PML: variants seen among roughly 807,000 people sequenced by gnomAD.
PML encodes PML nuclear body scaffold.
PML carries 28 observed loss-of-function variants against 65.2 expected under a neutral mutation model. The ratio of observed to expected loss-of-function variants is 0.43; its 90% confidence interval spans 0.32 to 0.59. The LOEUF is 0.59. Ranked by LOEUF, PML falls within the 20% of genes least tolerant of loss-of-function variation. PML has a pLI of 0.08. For missense variants in PML, 1,021 were observed against 1,203.4 expected, an observed-to-expected ratio of 0.85 and a Z score of 2.24; for synonymous variants, 500 against 508.8, an observed-to-expected ratio of 0.98 and a Z score of 0.23.
chr15:74,044,564 G>A lies in PML; in HGVS notation c.2205G>A (p.Ala735=), dbSNP rs772777029. The A allele has an allele frequency of 3.0e-5, 49 of 1,612,298 alleles. No homozygotes were observed. The highest frequency in any genetic ancestry group is 5.0e-5 in the Admixed American group (3 of 60,004). The change falls in exon 9 of 9, where the codon GCG becomes GCA. Residue 735 remains alanine (A), a synonymous_variant. Transcript: ENST00000268058. ...AGAACCTGGCCCAGACCTACCTGGCGAGAAACATGAGCGAGCGCAGCGCCA... is the reference window on the plus strand; with the variant it reads ...AGAACCTGGCCCAGACCTACCTGGCAAGAAACATGAGCGAGCGCAGCGCCA... The part of the protein sequence containing the change: ...KLKNLAQTYL[A]RNMSERSAMA...
chr15:74,023,373 T>G lies in PML; in HGVS notation c.1148T>G (p.Leu383Arg), dbSNP rs1329692309. Residue 383 changes from leucine to arginine, a missense_variant, in exon 3 of 9, where the codon CTG (leucine) becomes CGG (arginine). Leu to Arg is a moderately radical substitution (Grantham distance 102, BLOSUM62 -2). Coordinates refer to ENST00000268058, the MANE Select transcript of PML (RefSeq NM_033238.3). ...TDGFDEFKVR[L>R]QDLSSCITQG... ...GGCTTCGACGAGTTCAAGGTGCGCC[T>G]GCAGGACCTCAGCTCTTGCATCACC... The G allele has an allele frequency of 6.2e-7, 1 of 1,600,136 alleles. No homozygotes were observed. The highest frequency in any genetic ancestry group is 8.5e-7 in the Non-Finnish European group (1 of 1,179,830).
intron 2 of PML, among the ~76,000 whole-genome samples, chr15:74,018,322 CA>C (rs10663510): frequency 1.1e-3 from 105 of 94,856 alleles, no homozygotes; most frequent in Admixed American, 1.6e-3. Context: ...GACTCAGTCT[CA>C]AAAAAAAAAA....
At chr15:74,029,305 C>G (rs1187059555) in intron 4 of PML, among the ~76,000 whole-genome samples, 1 of 152,024 alleles carries the variant, frequency 6.6e-6, no homozygotes, top group Non-Finnish European at 1.5e-5. Flanking sequence ...TATACATATG[C>G]ACACACATAC....
Position 73,998,139 on chromosome 15 carries a change from C to G in PML, c.265C>G (p.Pro89Ala). The change falls in exon 2 of 9, where the codon CCC (proline) becomes GCC (alanine). Residue 89 changes from proline (P) to alanine (A), a missense_variant. Physicochemically the swap from Pro to Ala is conservative, Grantham distance 27. Coordinates refer to ENST00000268058, the MANE Select transcript of PML (RefSeq NM_033238.3). ...CCTGGAGGCGTCGGGCATGCAGTGC[C>G]CCATCTGCCAGGCGCCCTGGCCCCT... ...GCLEASGMQCPICQAPWPLGA... is the reference protein window; with the variant it reads ...GCLEASGMQCAICQAPWPLGA... 6.2e-7 allele frequency: 1 copy of G among 1,614,136 alleles called. No homozygotes were observed. The highest frequency in any genetic ancestry group is 1.1e-5 in the South Asian group (1 of 91,080).
intron 4 of PML, chr15:74,026,440 G>A (rs2071081299): frequency 6.6e-6 from 1 of 152,220 alleles, no homozygotes; most frequent in African/African-American, 2.4e-5. Context: ...AAAGTGCTGG[G>A]ATTACAGGCG....
chr15:73,994,872 G>A lies in PML; in HGVS notation c.60G>A (p.Glu20=). The part of the protein sequence containing the change: ...RPQQDPARPQ[E]PTMPPPETPS... ...AGCAGGACCCCGCCCGGCCCCAGGA[G>A]CCCACCATGCCTCCCCCCGAGACCC... Residue 20 remains glutamate (E), a synonymous_variant, in exon 1 of 9, where the codon GAG becomes GAA. Transcript: ENST00000268058. 2 of 1,555,406 alleles carry A rather than the reference G, an allele frequency of 1.3e-6. No homozygotes were observed. Among genetic ancestry groups the A allele is most frequent in the Non-Finnish European group, 1.7e-6 (2 of 1,148,264 alleles).
intron 7 of PML, chr15:74,036,489 TCTC>T (rs2071565102): frequency 1.1e-5 from 13 of 1,207,574 alleles, no homozygotes; most frequent in South Asian, 1.8e-5. Context: ...GGAACTCAGT[TCTC>T]CTCTGGGGAT....
intron 2 of PML, among the ~76,000 whole-genome samples, chr15:74,008,272 G>A (rs903498644): frequency 6.6e-6 from 1 of 152,238 alleles, no homozygotes; most frequent in Non-Finnish European, 1.5e-5. Context: ...AGGGTGAGTT[G>A]GGGTCAGATG....
chr15:74,043,703 C>T lies in PML; in HGVS notation c.1862-518C>T. On this transcript the variant is annotated intron_variant, in intron 8 of 8. Transcript: ENST00000268058. This position sits in a 1 kb window ranked among gnomAD's most constrained non-coding sequence, Gnocchi z 4.3. ...CATGGACTCAACATTGGGGCTAGCC[C>T]AGCCAGACAGAAACAGCAAGTGTTT... is the stretch of plus-strand genomic sequence containing the variant. The T allele has an allele frequency of 1.9e-6, 1 of 531,014 alleles. No homozygotes were observed. Among genetic ancestry groups the T allele is most frequent in the South Asian group, 1.4e-5 (1 of 71,640 alleles). The allele number at this position is 531,014 out of a possible 1,614,324, so 32.9% of individuals were successfully genotyped here.
intron 4 of PML, 84 bp from the exon 5 acceptor site, chr15:74,032,488 G>A: frequency 7.4e-6 from 11 of 1,488,038 alleles, no homozygotes; most frequent in Admixed American, 1.7e-5. Context: ...GAGGCCCCAG[G>A]GATTAGGCCA....
In PML at chr15:74,042,942, T is replaced by C. The variant is rs371885012; in HGVS notation, c.1711-47T>C. On this transcript the variant is annotated intron_variant, in intron 7 of 8. Transcript: ENST00000268058. The surrounding 1 kb of genome is among the most constrained non-coding windows in gnomAD (Gnocchi z 5.3). Reference sequence around the variant, plus strand: ...CTTGCTAGTGTTCTGCACAGGTGCTTGCCTTGGCCCTCTGAATCCCTGACG... The same window carrying C: ...CTTGCTAGTGTTCTGCACAGGTGCTCGCCTTGGCCCTCTGAATCCCTGACG... 1 of 1,612,400 alleles carries C rather than the reference T, an allele frequency of 6.2e-7. No individual in the cohort carries two copies. The highest frequency in any genetic ancestry group is 8.5e-7 in the Non-Finnish European group (1 of 1,179,966).
chr15:74,042,457 G>C lies in PML; in HGVS notation c.1711-532G>C, dbSNP rs2071717050. The stretch of plus-strand genomic sequence containing the variant: ...AAGAATCATCTGGGGTTCAAGATGA[G>C]GCTTCTTTCTCCCGTCCCAAGTTTT... On this transcript the variant is annotated intron_variant, in intron 7 of 8. Coordinates refer to ENST00000268058, the MANE Select transcript of PML (RefSeq NM_033238.3). The surrounding 1 kb of genome is among the most constrained non-coding windows in gnomAD (Gnocchi z 5.3). The C allele has an allele frequency of 1.0e-6, 1 of 985,304 alleles. No individual in the cohort carries two copies. Among genetic ancestry groups the C allele is most frequent in the East Asian group, 1.1e-4 (1 of 8,824 alleles). The allele number at this position is 985,304 out of a possible 1,614,324, so 61.0% of individuals were successfully genotyped here. A position where few individuals can be genotyped will look rare whatever the true frequency, so the allele number is the denominator to read the frequency against.
In PML at chr15:74,035,314, AC is replaced by A; in HGVS notation, c.1710+790del. ...TCCAGCCTGCCCTGTGGCACATACCACCCCCCAGCTTGGCCTCCCCACCAGC... is the reference window on the plus strand; with the variant it reads ...TCCAGCCTGCCCTGTGGCACATACCACCCCCAGCTTGGCCTCCCCACCAGC... On this transcript the variant is annotated intron_variant, in intron 7 of 8. Transcript: ENST00000268058. This position sits in a 1 kb window ranked among gnomAD's most constrained non-coding sequence, Gnocchi z 4.1. 1.2e-6 allele frequency: 2 copies of A among 1,610,384 alleles called. No homozygotes were observed.
chr15:74,035,818 CT>C lies in PML; in HGVS notation c.1710+1289del. ...GGAGCAGGTGTTCCCCCTGGGGACT[CT>C]GTCAGAGGCTCCATGGAGGCCTCTC... is the stretch of plus-strand genomic sequence containing the variant. On this transcript the variant is annotated intron_variant, in intron 7 of 8. Coordinates refer to ENST00000268058, the MANE Select transcript of PML (RefSeq NM_033238.3). The surrounding 1 kb of genome is among the most constrained non-coding windows in gnomAD (Gnocchi z 4.1). The C allele has an allele frequency of 6.2e-7, 1 of 1,614,008 alleles. No homozygotes were observed. Among genetic ancestry groups the C allele is most frequent in the African/African-American group, 1.3e-5 (1 of 75,024 alleles).
In PML at chr15:74,014,938, C is replaced by T. The variant is rs79343081; in HGVS notation, c.603-7890C>T. The stretch of plus-strand genomic sequence containing the variant: ...TGACATGATCCAGGGGAACACTGCC[C>T]ACTATGGATACACCAGCCATATGCC... On this transcript the variant is annotated intron_variant, in intron 2 of 8. Coordinates refer to ENST00000268058, the MANE Select transcript of PML (RefSeq NM_033238.3). Among the ~76,000 whole-genome samples the T allele has an allele frequency of 6.3e-3, 966 of 152,196 alleles. 15 individuals are homozygous for T. The highest frequency in any genetic ancestry group is 0.022 in the African/African-American group (928 of 41,528).
intron 7 of PML, among the ~76,000 whole-genome samples, chr15:74,039,526 A>G (rs573443492): frequency 2.6e-5 from 4 of 152,222 alleles, no homozygotes; most frequent in Non-Finnish European, 2.9e-5. Context: ...GATGCTGACT[A>G]TCAGAGTTTG....
Position 74,042,967 on chromosome 15 carries a change from G to A in PML, c.1711-22G>A, listed in dbSNP as rs368623737. On this transcript the variant is annotated intron_variant, in intron 7 of 8. Transcript: ENST00000268058. This position sits in a 1 kb window ranked among gnomAD's most constrained non-coding sequence, Gnocchi z 5.3. ...TGCCTTGGCCCTCTGAATCCCTGAC[G>A]CTTGGTTTTTCTGTGTTGCAGTCCT... 1.1e-4 allele frequency: 177 copies of A among 1,613,166 alleles called. No homozygotes were observed. The highest frequency in any genetic ancestry group is 1.6e-4 in the South Asian group (15 of 91,028).
chr15:74,035,324 T>C lies in PML; in HGVS notation c.1710+794T>C. The C allele has an allele frequency of 6.2e-7, 1 of 1,612,510 alleles. No homozygotes were observed. Among genetic ancestry groups the C allele is most frequent in the Non-Finnish European group, 8.5e-7 (1 of 1,179,884 alleles). ...CCTGTGGCACATACCACCCCCCAGC[T>C]TGGCCTCCCCACCAGCCCGCTGAGC... On this transcript the variant is annotated intron_variant, in intron 7 of 8. Coordinates refer to ENST00000268058, the MANE Select transcript of PML (RefSeq NM_033238.3). This position sits in a 1 kb window ranked among gnomAD's most constrained non-coding sequence, Gnocchi z 4.1.
rs1441755909 is a variant in PML at position 74,034,548 on chromosome 15, T to C, written c.1710+18T>C. 1 of 1,614,100 alleles carries C rather than the reference T, an allele frequency of 6.2e-7. No individual in the cohort carries two copies. Among genetic ancestry groups the C allele is most frequent in the Admixed American group, 1.7e-5 (1 of 60,012 alleles). ...AAAACTCGGTGAGTGGCCCAGAAGT[T>C]CAGCCCAGGACTCCTGCCTCCCCCC... On this transcript the variant is annotated intron_variant, in intron 7 of 8. Coordinates refer to ENST00000268058, the MANE Select transcript of PML (RefSeq NM_033238.3).
Sources: allele counts gnomAD v4.1 joint callset (sites outside exome capture counted in the v4.1 genomes callset), GRCh38; gene constraint gnomAD v4.1.1; non-coding constraint Gnocchi (gnomAD v3.1); transcripts MANE v1.5; gene names NCBI Gene and HGNC (gene_info 2026-07-23, HGNC 2026-07-21).